Variants in SEC14L5 observed in about 807,000 individuals in gnomAD.
The protein encoded by SEC14L5 is SEC14 like lipid binding 5.
Under a neutral mutation model 84.6 loss-of-function variants are expected in SEC14L5, and 96 were observed. The observed-to-expected ratio is 1.13, with a 90% confidence interval of 0.96 to 1.34. The LOEUF is 1.34. SEC14L5 is among the 40% of genes most tolerant of loss of function. SEC14L5 has a pLI of 0.00. For synonymous variants in SEC14L5, 546 were observed against 383.4 expected (o/e 1.42, Z -4.95); for missense variants, 1,224 against 942.5 (o/e 1.30, Z -3.91).
At chr16:4,990,987 T>C (rs1568128956) in intron 5 of SEC14L5, 92 bp downstream of exon 5, 3 of 1,066,140 alleles carry the variant, frequency 2.8e-6, no homozygotes, top group Non-Finnish European at 3.9e-6. Context: ...ACCCTTACCC[T>C]TCCTGGGCTC....
chr16:4,993,661 T>A (rs181726749), intron 6 of SEC14L5, among the ~76,000 whole-genome samples: 10 of 152,370 alleles, frequency 6.6e-5, no homozygotes, highest in South Asian at 2.1e-4. Context: ...ATAATTTTTT[T>A]AAAATGTCTG....
chr16:4,992,340 C>T (rs527674712), intron 6 of SEC14L5, among the ~76,000 whole-genome samples: 12 of 152,172 alleles, frequency 7.9e-5, no homozygotes, highest in Non-Finnish European at 1.3e-4. Context: ...AACCTCCGCC[C>T]CCCGGGTTCA....
At chr16:4,966,946 A>T (rs1955207725) in intron 2 of SEC14L5, among the ~76,000 whole-genome samples, 1 of 152,118 alleles carries the variant, frequency 6.6e-6, no homozygotes, top group Admixed American at 6.6e-5. Flanking sequence ...CAAGCCCGGG[A>T]GTGTTTATTC....
At chr16:5,005,882 A>G (rs894601114) in intron 11 of SEC14L5, 32 bp from the exon 12 acceptor site, 4 of 1,487,932 alleles carry the variant, frequency 2.7e-6, no homozygotes, top group Admixed American at 2.6e-5. Flanking sequence ...AAAAAAAAAA[A>G]CCATCCATCT....
rs754221409 is a variant in SEC14L5, at chr16:4,990,754, G to T, written c.346-13G>T. On this transcript the variant is annotated splice_polypyrimidine_tract_variant and intron_variant, in intron 4 of 15. Coordinates refer to ENST00000251170, the MANE Select transcript of SEC14L5 (RefSeq NM_014692.2). ...ACATTGAGTCCCTGGCATGACCCCT[G>T]CCTGGCTTTCAGGTCCACCCTGAGA... 1 of 1,602,794 alleles carries T rather than the reference G, an allele frequency of 6.2e-7. No individual in the cohort carries two copies.
At position 5,001,978 on chromosome 16, in the gene SEC14L5, C is replaced by G. The variant is rs998165870; in HGVS notation, c.1130+1053C>G. Among the ~76,000 whole-genome samples the G allele has an allele frequency of 2.7e-4, 41 of 152,128 alleles. 1 individual carries two copies. The highest frequency in any genetic ancestry group is 5.9e-5 in the Non-Finnish European group (4 of 68,018). On this transcript the variant is annotated intron_variant, in intron 10 of 15. Transcript: ENST00000251170. ...AGAGATGAGGTCTCACCCTGTTGCT[C>G]AGGCTGGTCTAAAACTCCTGGGCTG...
chr16:5,006,031 C>T lies in SEC14L5; in HGVS notation c.1420C>T (p.Leu474Phe). Residue 474 changes from leucine (L) to phenylalanine (F), a missense_variant, in exon 12 of 16, where the codon CTT (leucine) becomes TTT (phenylalanine). By Grantham distance (22) the Leu-to-Phe change is conservative. Transcript: ENST00000251170. ...GGATAGAGAAGTGATCCCTGACTTCCTTGGGGGAGAGAGTGTGGTGAGGCT... is the reference window on the plus strand; with the variant it reads ...GGATAGAGAAGTGATCCCTGACTTCTTTGGGGGAGAGAGTGTGGTGAGGCT... ...YLDREVIPDF[L>F]GGESVCNVPE... is the part of the protein sequence containing the mutation. 4 of 1,613,744 alleles carry T rather than the reference C, an allele frequency of 2.5e-6. No individual in the cohort carries two copies. Among genetic ancestry groups the T allele is most frequent in the Non-Finnish European group, 2.5e-6 (3 of 1,179,796 alleles).
At chr16:4,985,640 A>G (rs754213087) in intron 2 of SEC14L5, among the ~76,000 whole-genome samples, 34 of 152,160 alleles carry the variant, frequency 2.2e-4, no homozygotes, top group Admixed American at 2.0e-4. Context: ...TCAGTTGGTG[A>G]TAAACGTAAG....
intron 4 of SEC14L5, 109 bp from the exon 5 acceptor site, chr16:4,990,658 T>C: frequency 8.9e-7 from 1 of 1,129,684 alleles, no homozygotes; most frequent in Non-Finnish European, 1.2e-6. Context: ...AGGCTTGATC[T>C]GCTTTCCACT....
rs544220328 is a variant in SEC14L5 at position 5,003,316 on chromosome 16, C to T, written c.1131-86C>T. 6.8e-6 allele frequency: 7 copies of T among 1,034,480 alleles called. No individual in the cohort carries two copies. The African/African-American group carries it at 1.1e-4, about 16-fold the overall frequency. The allele number at this position is 1,034,480 out of a possible 1,614,324, so 64.1% of individuals were successfully genotyped here. A position where few individuals can be genotyped will look rare whatever the true frequency, so the allele number is the denominator to read the frequency against. On this transcript the variant is annotated intron_variant, in intron 10 of 15. Coordinates refer to ENST00000251170, the MANE Select transcript of SEC14L5 (RefSeq NM_014692.2). Reference sequence around the variant, plus strand: ...CTGCTCCCAGCCCTATCTCTCGGAGCCTCCCTGTTCATCCCCTGTGGGGAG... The same window carrying T: ...CTGCTCCCAGCCCTATCTCTCGGAGTCTCCCTGTTCATCCCCTGTGGGGAG...
intron 10 of SEC14L5, among the ~76,000 whole-genome samples, chr16:5,002,353 G>A (rs1287468692): frequency 6.9e-6 from 1 of 145,644 alleles, no homozygotes. Flanking sequence ...CTGGAGTACA[G>A]TGGTGCAATC....
intron 13 of SEC14L5, among the ~76,000 whole-genome samples, chr16:5,007,795 G>A (rs945112387): frequency 6.6e-6 from 1 of 151,228 alleles, no homozygotes; most frequent in Non-Finnish European, 1.5e-5. Flanking sequence ...TAGTAGAGAC[G>A]GGTTTTCGTC....
intron 2 of SEC14L5, among the ~76,000 whole-genome samples, chr16:4,975,850 G>C (rs949150654): frequency 1.3e-5 from 2 of 152,154 alleles, no homozygotes; most frequent in Non-Finnish European, 2.9e-5. Flanking sequence ...CTGCGTAGTG[G>C]CCAGGCCCCC....
rs934554215 is a variant in SEC14L5 at position 4,983,029 on chromosome 16, G to A, written c.64-4528G>A. Among the ~76,000 whole-genome samples the A allele has an allele frequency of 2.6e-5, 4 of 151,998 alleles. No individual in the cohort carries two copies. In the East Asian group the frequency reaches 5.8e-4, roughly 22 times the overall value. ...ATATTTATTTTTATTTTGAGATGGA[G>A]CCTGGCTCTGTTGCCCAGGCTGGAG... On this transcript the variant is annotated intron_variant, in intron 2 of 15. Coordinates refer to ENST00000251170, the MANE Select transcript of SEC14L5 (RefSeq NM_014692.2).
Position 4,996,403 on chromosome 16 carries a change from G to T in SEC14L5, c.723G>T (p.Met241Ile). ...IERCLGHLTPMQESCLIQLRH... is the reference protein window; with the variant it reads ...IERCLGHLTPIQESCLIQLRH... ...GGTGCCTGGGCCACCTCACGCCCATGCAGGAGAGCTGCCTGATCCAGCTTC... is the reference window on the plus strand; with the variant it reads ...GGTGCCTGGGCCACCTCACGCCCATTCAGGAGAGCTGCCTGATCCAGCTTC... Residue 241 changes from methionine to isoleucine, a missense_variant, in exon 7 of 16, where the codon ATG (methionine) becomes ATT (isoleucine). Transcript: ENST00000251170. The T allele has an allele frequency of 6.4e-7, 1 of 1,573,922 alleles. No homozygotes were observed. The highest frequency in any genetic ancestry group is 1.2e-5 in the South Asian group (1 of 85,150).
intron 2 of SEC14L5, among the ~76,000 whole-genome samples, chr16:4,979,803 G>T (rs1955397747): frequency 6.6e-6 from 1 of 152,152 alleles, no homozygotes. Flanking sequence ...TTCTGCCGAG[G>T]TCCCTCCATC....
chr16:4,978,436 A>AAT lies in SEC14L5; in HGVS notation c.64-9121_64-9120insAT, dbSNP rs1955376135. ...CGTCTCAAAAAAAAAAGGAAAAAAAAGAAACAAGATCTTGCTCTGCCACCC... is the reference window on the plus strand; with the variant it reads ...CGTCTCAAAAAAAAAAGGAAAAAAAAATGAAACAAGATCTTGCTCTGCCACCC... On this transcript the variant is annotated intron_variant, in intron 2 of 15. Transcript: ENST00000251170. Among the ~76,000 whole-genome samples, 5 of 124,536 alleles carry AAT rather than the reference A, an allele frequency of 4.0e-5. 1 individual carries two copies. Among genetic ancestry groups the AAT allele is most frequent in the Admixed American group, 3.4e-4 (4 of 11,788 alleles). The allele number at this position is 124,536 out of a possible 152,430, so 81.7% of individuals were successfully genotyped here. A position where few individuals can be genotyped will look rare whatever the true frequency, so the allele number is the denominator to read the frequency against.
At chr16:5,006,137 G>A in intron 12 of SEC14L5, 89 bp downstream of exon 12, 2 of 1,396,798 alleles carry the variant, frequency 1.4e-6, no homozygotes, top group Non-Finnish European at 2.0e-6. Flanking sequence ...GGGGCTGGGA[G>A]GTGGAGGGGG....
intron 8 of SEC14L5, 65 bp from the exon 9 acceptor site, chr16:5,000,590 C>T (rs1955663847): frequency 1.6e-6 from 2 of 1,265,828 alleles, no homozygotes; most frequent in Admixed American, 4.0e-5. Flanking sequence ...GCAGCTGTGA[C>T]CTGCCCCTCG....
Sources: allele counts gnomAD v4.1 joint callset (sites outside exome capture counted in the v4.1 genomes callset), GRCh38; gene constraint gnomAD v4.1.1; transcripts MANE v1.5; gene names NCBI Gene and HGNC (gene_info 2026-07-23, HGNC 2026-07-21).